The following USH1C variants were observed in gnomAD, a reference collection of about 807,000 sequenced individuals.
USH1C encodes the protein USH1 protein network component harmonin, also known as harmonin.
A neutral mutation model predicts 119.3 loss-of-function variants in USH1C; 90 were observed. The observed-to-expected ratio is 0.75, with a 90% CI of 0.64 to 0.90. The LOEUF (loss-of-function observed/expected upper bound fraction) is 0.90. Ranked by LOEUF, USH1C falls within the 40% of genes least tolerant of loss-of-function variation. The pLI is 0.00. For synonymous variants in USH1C, 465 were observed against 443.3 expected (o/e 1.05, Z -0.62); for missense variants, 1,165 against 1,167.7 (o/e 1.00, Z 0.03).
At chr11:17,541,782 C>G (rs985003258) in intron 1 of USH1C, among the ~76,000 whole-genome samples, 6 of 152,230 alleles carry the variant, frequency 3.9e-5, no homozygotes, top group African/African-American at 1.4e-4. Flanking sequence ...GGACACTCTG[C>G]AGGTATCAGC....
intron 14 of USH1C, among the ~76,000 whole-genome samples, chr11:17,518,423 C>T (rs1289085095): frequency 6.6e-6 from 1 of 152,146 alleles, no homozygotes; most frequent in Non-Finnish European, 1.5e-5. Flanking sequence ...CTCCATCTTT[C>T]AAGAATCCTT....
At chr11:17,498,486 C>A (rs1186690187) in intron 23 of USH1C, among the ~76,000 whole-genome samples, 1 of 152,204 alleles carries the variant, frequency 6.6e-6, no homozygotes, top group Non-Finnish European at 1.5e-5. Context: ...CACCCCCTCA[C>A]CCCAGCTCAG....
intron 23 of USH1C, 39 bp downstream of exon 23, chr11:17,501,012 T>TATC: frequency 6.4e-7 from 1 of 1,574,094 alleles, no homozygotes. Flanking sequence ...CTAACCACTG[T>TATC]ATCATCCCCA....
rs539241654 is a variant in USH1C, at chr11:17,544,397, G to C, written c.-90C>G. ...CTGGAAAGAGCCGCGACCGCGACCGGGCCAGCCGCCCTCGGAGCTGGGGGC... is the reference window on the plus strand; with the variant it reads ...CTGGAAAGAGCCGCGACCGCGACCGCGCCAGCCGCCCTCGGAGCTGGGGGC... On this transcript the variant is annotated 5_prime_UTR_variant, in exon 1 of 27. Coordinates refer to ENST00000005226, the MANE Select transcript of USH1C (RefSeq NM_153676.4). The C allele has an allele frequency of 5.7e-6, 9 of 1,588,666 alleles. No homozygotes were observed. The highest frequency in any genetic ancestry group is 2.6e-6 in the Non-Finnish European group (3 of 1,162,582).
intron 13 of USH1C, 138 bp from the exon 14 acceptor site, chr11:17,521,132 T>A: frequency 7.8e-7 from 1 of 1,283,002 alleles, no homozygotes; most frequent in Non-Finnish European, 1.1e-6. Context: ...TCCCCGAGCT[T>A]GTATTCTAAA....
chr11:17,512,015 G>A lies in USH1C; in HGVS notation c.1300C>T (p.Gln434Ter). The A allele has an allele frequency of 3.7e-6, 6 of 1,614,186 alleles. No homozygotes were observed. The highest frequency in any genetic ancestry group is 4.2e-6 in the Non-Finnish European group (5 of 1,180,038). The stretch of plus-strand genomic sequence containing the variant: ...TCTTTCTTATTCTTTCTCAAGTCCT[G>A]CAGGCTGCCATACTTGGCTTTCTTC... ...DKKKAKYGSL[Q>*]DLRKNKKELE... is the part of the protein sequence containing the mutation. The change falls in exon 16 of 27, where the codon CAG becomes TAG. Residue 434 changes from glutamine to a stop codon, truncating the protein, a stop_gained. Coordinates refer to ENST00000005226, the MANE Select transcript of USH1C (RefSeq NM_153676.4). LOFTEE classifies it high-confidence loss of function.
intron 16 of USH1C, among the ~76,000 whole-genome samples, chr11:17,511,431 C>A (rs1318257149): frequency 2.6e-5 from 4 of 152,098 alleles, no homozygotes; most frequent in Non-Finnish European, 5.9e-5. Flanking sequence ...TTCAAAGCTA[C>A]AAGCAAGGCA....
At chr11:17,517,258 C>T in intron 14 of USH1C, 1 of 856,156 alleles carries the variant, frequency 1.2e-6, no homozygotes, top group Non-Finnish European at 1.9e-6. Context: ...TTGGGCCAAG[C>T]TGGGGCTTGG....
chr11:17,507,349 G>A (rs1444601880), intron 18 of USH1C, among the ~76,000 whole-genome samples: 1 of 152,192 alleles, frequency 6.6e-6, no homozygotes, highest in Non-Finnish European at 1.5e-5. Context: ...TGTGTTGGGG[G>A]GCTTTTAACC....
intron 1 of USH1C, among the ~76,000 whole-genome samples, chr11:17,540,713 G>T (rs547456891): frequency 3.9e-5 from 6 of 152,152 alleles, no homozygotes; most frequent in African/African-American, 1.4e-4. Flanking sequence ...AGCAAAGCCT[G>T]TCAGTTTTTC....
At chr11:17,511,831 C>T (rs1184908880) in intron 16 of USH1C, 71 bp downstream of exon 16, 9 of 1,550,000 alleles carry the variant, frequency 5.8e-6, no homozygotes, top group Admixed American at 1.9e-5. Flanking sequence ...AGCTGGTCCT[C>T]TGGGAGCACA....
chr11:17,527,062 G>T (rs1335392941), intron 5 of USH1C, 22 bp from the exon 6 acceptor site: 5 of 1,528,564 alleles, frequency 3.3e-6, no homozygotes, highest in East Asian at 5.1e-5. Flanking sequence ...AGGCACAGGG[G>T]TTAGGACAGC....
intron 1 of USH1C, among the ~76,000 whole-genome samples, chr11:17,538,771 G>A (rs1248613962): frequency 4.6e-5 from 7 of 152,120 alleles, no homozygotes; most frequent in African/African-American, 1.4e-4. Context: ...AGAGGCGTGG[G>A]GAGACAGGAA....
chr11:17,523,316 T>C, intron 10 of USH1C, 49 bp from the exon 11 acceptor site: 2 of 1,613,860 alleles, frequency 1.2e-6, no homozygotes, highest in Non-Finnish European at 1.7e-6. Flanking sequence ...ACCACAGCAG[T>C]CCAGGCAGAG....
At chr11:17,540,501 C>G (rs778306959) in intron 1 of USH1C, among the ~76,000 whole-genome samples, 14 of 152,144 alleles carry the variant, frequency 9.2e-5, no homozygotes, top group Non-Finnish European at 1.0e-4. Context: ...ACTCACACCC[C>G]CAAGGACCTA....
At chr11:17,510,982 A>G (rs1849863897) in intron 16 of USH1C, among the ~76,000 whole-genome samples, 1 of 152,178 alleles carries the variant, frequency 6.6e-6, no homozygotes, top group African/African-American at 2.4e-5. Context: ...GACCTAATGC[A>G]TTTCACATTT....
chr11:17,522,761 C>T, intron 12 of USH1C, 23 bp downstream of exon 12: 1 of 1,613,684 alleles, frequency 6.2e-7, no homozygotes, highest in Non-Finnish European at 8.5e-7. Context: ...CGGGACAGGG[C>T]ATCCAGGGCT....
chr11:17,508,903 G>A (rs973419371), intron 18 of USH1C, among the ~76,000 whole-genome samples: 1 of 152,070 alleles, frequency 6.6e-6, no homozygotes, highest in Non-Finnish European at 1.5e-5. Flanking sequence ...AGCCAAATAC[G>A]CCCCTGCTTC....
intron 8 of USH1C, among the ~76,000 whole-genome samples, chr11:17,525,827 A>T (rs1850642564): frequency 6.6e-6 from 1 of 152,228 alleles, no homozygotes; most frequent in Non-Finnish European, 1.5e-5. Flanking sequence ...CCTCATCTGT[A>T]AATTGGGCTC....
Sources: gnomAD v4.1 joint callset for allele counts (sites outside exome capture counted in the v4.1 genomes callset) on GRCh38, gnomAD v4.1.1 for gene constraint, MANE v1.5 for transcripts, NCBI Gene and HGNC (gene_info 2026-07-23, HGNC 2026-07-21) for gene names.